Variants in FLRT2 observed in about 807,000 individuals in gnomAD.
FLRT2 encodes the protein fibronectin leucine rich transmembrane protein 2.
FLRT2 carries 15 observed loss-of-function variants against 40.0 expected under a neutral mutation model. That is an observed-to-expected ratio of 0.38 (90% CI 0.25 to 0.58). The LOEUF (loss-of-function observed/expected upper bound fraction) is 0.58. FLRT2 is among the 20% of genes least tolerant of loss of function. FLRT2 has a pLI of 0.71. For missense variants in FLRT2, 726 were observed against 840.0 expected, an observed-to-expected ratio of 0.86 and a Z score of 1.68; for synonymous variants, 380 against 336.8, an observed-to-expected ratio of 1.13 and a Z score of -1.41.
intron 1 of FLRT2, among the ~76,000 whole-genome samples, chr14:85,575,865 C>A (rs1259184058): frequency 6.6e-6 from 1 of 152,156 alleles, no homozygotes; most frequent in Non-Finnish European, 1.5e-5. Context: ...ATGCCACTTA[C>A]TTGGCTGGGC....
chr14:85,531,149 GC>G (rs1400814371), intron 1 of FLRT2: 1 of 152,334 alleles, frequency 6.6e-6, no homozygotes, highest in Non-Finnish European at 1.5e-5. Flanking sequence ...CTGAGCTGGG[GC>G]CATCACGCCT....
Position 85,646,590 on chromosome 14 carries a change from C to T in FLRT2, c.*23093C>T, listed in dbSNP as rs1288473964. ...AGATATTCTTCCTCCTTGGCCTCTT[C>T]TGTTTCAGGGCTTCTCGAATTTTTT... On this transcript the variant is annotated 3_prime_UTR_variant, in exon 2 of 2. Coordinates refer to ENST00000330753, the MANE Select transcript of FLRT2 (RefSeq NM_013231.6). 1 of 152,074 alleles carries T rather than the reference C, an allele frequency of 6.6e-6. No homozygotes were observed. The highest frequency in any genetic ancestry group is 1.5e-5 in the Non-Finnish European group (1 of 68,040). 9.4% of individuals were successfully genotyped at this position (152,074 alleles called of 1,614,324 possible). A position where few individuals can be genotyped will look rare whatever the true frequency, so the allele number is the denominator to read the frequency against.
chr14:85,572,036 G>A (rs1241695827), intron 1 of FLRT2, among the ~76,000 whole-genome samples: 1 of 152,132 alleles, frequency 6.6e-6, no homozygotes, highest in African/African-American at 2.4e-5. Context: ...ATAAAATGTT[G>A]AGAACCCCCA....
rs773064350 is a variant in FLRT2 at position 85,621,554 on chromosome 14, T to C, written c.40T>C (p.Phe14Leu). The C allele has an allele frequency of 1.4e-5, 22 of 1,613,846 alleles. No homozygotes were observed. The highest frequency in any genetic ancestry group is 2.2e-5 in the South Asian group (2 of 91,074). ...QTTKWPSHGA[F>L]FLKSWLIISL... ...CACAAAGTGGCCCAGCCATGGGGCT[T>C]TTTTCCTGAAGTCTTGGCTTATCAT... Residue 14 changes from phenylalanine to leucine, a missense_variant, in exon 2 of 2, where the codon TTT becomes CTT. Coordinates refer to ENST00000330753, the MANE Select transcript of FLRT2 (RefSeq NM_013231.6).
rs1555373506 is a variant in FLRT2 at position 85,642,144 on chromosome 14, A to AAAAAAG, written c.*18650_*18651insAAGAAA. 5 of 150,386 alleles carry AAAAAAG rather than the reference A, an allele frequency of 3.3e-5. No homozygotes were observed. Among genetic ancestry groups the AAAAAAG allele is most frequent in the African/African-American group, 1.2e-4 (5 of 41,018 alleles). The allele number at this position is 150,386 out of a possible 1,614,324, so 9.3% of individuals were successfully genotyped here. On this transcript the variant is annotated 3_prime_UTR_variant, in exon 2 of 2. Transcript: ENST00000330753. The stretch of plus-strand genomic sequence containing the variant: ...AGGTTGCTGTTGACAAAAAAAAAAA[A>AAAAAAG]AAAGAAAGAAAGAAAAAAATGGCAC...
At chr14:85,565,540 G>A (rs1890579611) in intron 1 of FLRT2, among the ~76,000 whole-genome samples, 1 of 152,094 alleles carries the variant, frequency 6.6e-6, no homozygotes, top group African/African-American at 2.4e-5. Context: ...TGCATGGTTA[G>A]TGATCAAAAT....
intron 1 of FLRT2, among the ~76,000 whole-genome samples, chr14:85,587,874 G>T (rs10133346): frequency 0.65 from 98,788 of 151,876 alleles, 33,060 homozygotes; most frequent in Non-Finnish European, 0.74. Flanking sequence ...GTCTGGAACT[G>T]TGGCATGGTG....
At chr14:85,570,612 C>A (rs1056762233) in intron 1 of FLRT2, among the ~76,000 whole-genome samples, 3 of 149,170 alleles carry the variant, frequency 2.0e-5, no homozygotes, top group African/African-American at 7.4e-5. Context: ...GACAGAATCT[C>A]ACTCTGTCGC....
intron 1 of FLRT2, among the ~76,000 whole-genome samples, chr14:85,589,203 G>A (rs1021996331): frequency 6.6e-6 from 1 of 152,104 alleles, no homozygotes; most frequent in Non-Finnish European, 1.5e-5. Flanking sequence ...TCTCCACAGT[G>A]GTTATGCTAA....
chr14:85,623,765 T>TTAC lies in FLRT2; in HGVS notation c.*269_*270insACT, dbSNP rs2139374538. 6.1e-6 allele frequency: 2 copies of TTAC among 328,706 alleles called. No homozygotes were observed. The highest frequency in any genetic ancestry group is 3.2e-4 in the South Asian group (2 of 6,280). 20.4% of individuals were successfully genotyped at this position (328,706 alleles called of 1,614,324 possible). ...AAAGTTGCTGAAGTACTGTACAGGG[T>TTAC]TGTACAATGAGAACCCAATGCCAAG... On this transcript the variant is annotated 3_prime_UTR_variant, in exon 2 of 2. Transcript: ENST00000330753.
rs1894141897 is a variant in FLRT2 at position 85,641,248 on chromosome 14, A to G, written c.*17751A>G. 6.6e-6 allele frequency: 1 copy of G among 152,218 alleles called. No individual in the cohort carries two copies. Among genetic ancestry groups the G allele is most frequent in the Non-Finnish European group, 1.5e-5 (1 of 68,040 alleles). 9.4% of individuals were successfully genotyped at this position (152,218 alleles called of 1,614,324 possible). A position where few individuals can be genotyped will look rare whatever the true frequency, so the allele number is the denominator to read the frequency against. On this transcript the variant is annotated 3_prime_UTR_variant, in exon 2 of 2. Transcript: ENST00000330753. ...CCCTGGATATGGCTTATTGGTATTC[A>G]TTATTCCCAATTCCTTCTATATGCC...
chr14:85,620,492 T>C (rs1171545992), intron 1 of FLRT2, among the ~76,000 whole-genome samples: 1 of 152,204 alleles, frequency 6.6e-6, no homozygotes, highest in East Asian at 1.9e-4. Context: ...TAAGGTTTTG[T>C]ATCAGAGTTT....
chr14:85,567,808 T>G (rs2139856174), intron 1 of FLRT2, among the ~76,000 whole-genome samples: 1 of 152,000 alleles, frequency 6.6e-6, no homozygotes, highest in South Asian at 2.1e-4. Flanking sequence ...GGCCGGCTAC[T>G]TTTTGTATTT....
Position 85,631,619 on chromosome 14 carries a change from G to A in FLRT2, c.*8122G>A, listed in dbSNP as rs1893875543. ...AAATTAGCCTTGCTCAAAGACCACAGTATGCGTTTTACAAGAACAAACAAA... is the reference window on the plus strand; with the variant it reads ...AAATTAGCCTTGCTCAAAGACCACAATATGCGTTTTACAAGAACAAACAAA... On this transcript the variant is annotated 3_prime_UTR_variant, in exon 2 of 2. Coordinates refer to ENST00000330753, the MANE Select transcript of FLRT2 (RefSeq NM_013231.6). 1 of 152,072 alleles carries A rather than the reference G, an allele frequency of 6.6e-6. No individual in the cohort carries two copies. Among genetic ancestry groups the A allele is most frequent in the Non-Finnish European group, 1.5e-5 (1 of 68,008 alleles). 9.4% of individuals were successfully genotyped at this position (152,072 alleles called of 1,614,324 possible). A position where few individuals can be genotyped will look rare whatever the true frequency, so the allele number is the denominator to read the frequency against.
intron 1 of FLRT2, among the ~76,000 whole-genome samples, chr14:85,550,196 A>G (rs190856584): frequency 6.1e-4 from 93 of 152,322 alleles, no homozygotes; most frequent in African/African-American, 2.1e-3. Context: ...ATTTTTTTCT[A>G]CTAAATTTCA....
chr14:85,547,775 G>T (rs2139819679), intron 1 of FLRT2, among the ~76,000 whole-genome samples: 1 of 152,254 alleles, frequency 6.6e-6, no homozygotes. Flanking sequence ...GTGTGCCAGG[G>T]TAATAGGGGC....
chr14:85,590,970 T>C (rs1265604796), intron 1 of FLRT2, among the ~76,000 whole-genome samples: 3 of 152,206 alleles, frequency 2.0e-5, no homozygotes, highest in Non-Finnish European at 2.9e-5. Flanking sequence ...AATCACTCTT[T>C]CCTCTGAATT....
At chr14:85,567,619 A>G (rs2139855655) in intron 1 of FLRT2, among the ~76,000 whole-genome samples, 1 of 149,544 alleles carries the variant, frequency 6.7e-6, no homozygotes, top group South Asian at 2.1e-4. Context: ...GGCCTAGCAC[A>G]CGGGAAGTGA....
In FLRT2 at chr14:85,643,349, T is replaced by TAC. The variant is rs1566774535; in HGVS notation, c.*19852_*19853insAC. ...TTTCTTTCTTTCTTTCTTTCTTTCT[T>TAC]TCTTTCTTCCTTCCTTCCTTCCTTC... On this transcript the variant is annotated 3_prime_UTR_variant, in exon 2 of 2. Transcript: ENST00000330753. 3 of 60,560 alleles carry TAC rather than the reference T, an allele frequency of 5.0e-5. No individual in the cohort carries two copies. Among genetic ancestry groups the TAC allele is most frequent in the African/African-American group, 1.0e-4 (2 of 19,666 alleles). 3.8% of individuals were successfully genotyped at this position (60,560 alleles called of 1,614,324 possible).
Sources: gnomAD v4.1 joint callset for allele counts (sites outside exome capture counted in the v4.1 genomes callset) on GRCh38, gnomAD v4.1.1 for gene constraint, MANE v1.5 for transcripts, NCBI Gene and HGNC (gene_info 2026-07-23, HGNC 2026-07-21) for gene names.